Variants in KIRREL3 observed in about 807,000 individuals in gnomAD.
KIRREL3 encodes the protein kin of IRRE-like protein 3.
Under a neutral mutation model 89.7 loss-of-function variants are expected in KIRREL3, and 36 were observed. The observed-to-expected ratio is 0.40, with a 90% confidence interval of 0.31 to 0.53. The LOEUF (loss-of-function observed/expected upper bound fraction) is 0.53. Among genes scored for constraint, KIRREL3 ranks in the 20% least tolerant of loss-of-function variants. The pLI is 0.49. For synonymous variants in KIRREL3, 445 were observed against 441.4 expected, an observed-to-expected ratio of 1.01 and a Z score of -0.10; for missense variants, 864 against 1,056.6, an observed-to-expected ratio of 0.82 and a Z score of 2.53.
In KIRREL3 at chr11:126,669,717, G is replaced by A. The variant is rs988822771; in HGVS notation, c.56-106805C>T. Reference sequence around the variant, plus strand: ...TCTCCATTTACATTTTTCTCTCAAGGTTTTGCATGAAACTCCAAGGCTTTA... The same window carrying A: ...TCTCCATTTACATTTTTCTCTCAAGATTTTGCATGAAACTCCAAGGCTTTA... On this transcript the variant is annotated intron_variant, in intron 1 of 16. Coordinates refer to ENST00000525144, the MANE Select transcript of KIRREL3 (RefSeq NM_032531.4). This position sits in a 1 kb window ranked among gnomAD's most constrained non-coding sequence, Gnocchi z 5.0. 6.6e-6 allele frequency among the ~76,000 whole-genome samples: 1 copy of A among 152,058 alleles called. No individual in the cohort carries two copies. Among genetic ancestry groups the A allele is most frequent in the African/African-American group, 2.4e-5 (1 of 41,374 alleles).
intron 1 of KIRREL3, among the ~76,000 whole-genome samples, chr11:126,846,571 T>C (rs1011412927): frequency 6.6e-6 from 1 of 152,190 alleles, no homozygotes; most frequent in Non-Finnish European, 1.5e-5. Context: ...ACCTAGTACA[T>C]AATGAAAATC....
At chr11:126,960,797 C>T (rs1322210883) in intron 1 of KIRREL3, among the ~76,000 whole-genome samples, 1 of 152,074 alleles carries the variant, frequency 6.6e-6, no homozygotes, top group African/African-American at 2.4e-5. Flanking sequence ...TCTTCGCAGA[C>T]ATTGCATTTT....
intron 1 of KIRREL3, among the ~76,000 whole-genome samples, chr11:126,758,134 T>C (rs1949564097): frequency 6.6e-6 from 1 of 152,248 alleles, no homozygotes; most frequent in Non-Finnish European, 1.5e-5. Context: ...GATTTGGCTA[T>C]TAAGACTCTC....
At chr11:126,585,015 T>C (rs2134681839) in intron 1 of KIRREL3, among the ~76,000 whole-genome samples, 1 of 151,636 alleles carries the variant, frequency 6.6e-6, no homozygotes, top group East Asian at 1.9e-4. Flanking sequence ...GCCTCCCGGG[T>C]TTACGCCATT....
intron 1 of KIRREL3, among the ~76,000 whole-genome samples, chr11:126,847,916 A>G (rs1944203368): frequency 6.6e-6 from 1 of 152,208 alleles, no homozygotes; most frequent in Admixed American, 6.5e-5. Flanking sequence ...GTAACAGGAC[A>G]CAATTGGAGA....
chr11:126,648,865 A>G (rs530349429), intron 1 of KIRREL3, among the ~76,000 whole-genome samples: 1 of 152,352 alleles, frequency 6.6e-6, no homozygotes, highest in Admixed American at 6.5e-5. Context: ...GAGTGGCTAA[A>G]ATCACAGTCC....
intron 1 of KIRREL3, among the ~76,000 whole-genome samples, chr11:126,680,806 AT>A (rs746502124): frequency 6.6e-6 from 1 of 152,008 alleles, no homozygotes; most frequent in Non-Finnish European, 1.5e-5. Context: ...ATTCTAGGGG[AT>A]TTAATAAGAA....
Position 126,492,197 on chromosome 11 carries a change from G to A in KIRREL3, c.434-18731C>T, listed in dbSNP as rs571283590. Among the ~76,000 whole-genome samples the A allele has an allele frequency of 3.4e-4, 52 of 152,312 alleles. No individual in the cohort carries two copies. Among genetic ancestry groups the A allele is most frequent in the Non-Finnish European group, 6.9e-4 (47 of 68,018 alleles). On this transcript the variant is annotated intron_variant, in intron 4 of 16. Coordinates refer to ENST00000525144, the MANE Select transcript of KIRREL3 (RefSeq NM_032531.4). This position sits in a 1 kb window ranked among gnomAD's most constrained non-coding sequence, Gnocchi z 4.8. ...GACAGTCTCCTCTTCACTGAAAGGG[G>A]AAGATGGGCTCAGGCTGCAGCGTGA...
chr11:126,439,653 C>T (rs1317855577), intron 11 of KIRREL3, among the ~76,000 whole-genome samples: 1 of 151,150 alleles, frequency 6.6e-6, no homozygotes, highest in East Asian at 2.0e-4. Context: ...CCCATCTCTA[C>T]TGAAAATACA....
At chr11:126,451,341 CAT>C (rs1349501407) in intron 7 of KIRREL3, among the ~76,000 whole-genome samples, 6 of 112,848 alleles carry the variant, frequency 5.3e-5, no homozygotes, top group Admixed American at 4.8e-4. Flanking sequence ...TGAGTGTGTG[CAT>C]GTGTGTGCGT....
rs183274374 is a variant in KIRREL3, at chr11:126,641,588, G to A, written c.56-78676C>T. On this transcript the variant is annotated intron_variant, in intron 1 of 16. Transcript: ENST00000525144. The surrounding 1 kb of genome is among the most constrained non-coding windows in gnomAD (Gnocchi z 5.0). ...TGTCTCACCAATCCATTTACAGGTC[G>A]CAGACATTTACAACACCAGCCTCCT... is the stretch of plus-strand genomic sequence containing the variant. Among the ~76,000 whole-genome samples, 26 of 152,108 alleles carry A rather than the reference G, an allele frequency of 1.7e-4. No homozygotes were observed. The East Asian group carries it at 2.5e-3, about 15-fold the overall frequency.
chr11:126,849,803 A>C (rs1944281853), intron 1 of KIRREL3, among the ~76,000 whole-genome samples: 1 of 152,104 alleles, frequency 6.6e-6, no homozygotes, highest in African/African-American at 2.4e-5. Context: ...CAATGGATGC[A>C]CCTGTTGAGG....
chr11:126,532,672 G>A (rs557256422), intron 2 of KIRREL3, among the ~76,000 whole-genome samples: 1 of 117,486 alleles, frequency 8.5e-6, no homozygotes, highest in Non-Finnish European at 1.8e-5. Flanking sequence ...CACTACACCT[G>A]GCCCAGATGA....
At position 126,541,569 on chromosome 11, in the gene KIRREL3, T is replaced by C. The variant is rs1938371394; in HGVS notation, c.134-14882A>G. 6.6e-6 allele frequency among the ~76,000 whole-genome samples: 1 copy of C among 152,092 alleles called. No individual in the cohort carries two copies. Among genetic ancestry groups the C allele is most frequent in the Non-Finnish European group, 1.5e-5 (1 of 68,018 alleles). On this transcript the variant is annotated intron_variant, in intron 2 of 16. Transcript: ENST00000525144. The surrounding 1 kb of genome is among the most constrained non-coding windows in gnomAD (Gnocchi z 4.8). ...CTATAGCCTTGTCAGTCAGAGACGGTTCTAAAACTTCCATGTGCATGAGGA... is the reference window on the plus strand; with the variant it reads ...CTATAGCCTTGTCAGTCAGAGACGGCTCTAAAACTTCCATGTGCATGAGGA...
intron 1 of KIRREL3, among the ~76,000 whole-genome samples, chr11:126,770,314 C>T (rs528621640): frequency 1.3e-5 from 2 of 152,202 alleles, no homozygotes; most frequent in African/African-American, 2.4e-5. Context: ...TATAGACACC[C>T]GCAAAAGTCT....
In KIRREL3 at chr11:126,562,878, C is replaced by T. The variant is rs763637775; in HGVS notation, c.90G>A (p.Val30=). The part of the protein sequence containing the change: ...LGLQKRGCCL[V]LGYMAKDKFR... The stretch of plus-strand genomic sequence containing the variant: ...ACTTGTCCTTGGCCATGTAGCCCAG[C>T]ACCAGACAGCATCCTCTCTTCTGGA... Residue 30 remains valine, a synonymous_variant, in exon 2 of 17, where the codon GTG becomes GTA. Coordinates refer to ENST00000525144, the MANE Select transcript of KIRREL3 (RefSeq NM_032531.4). This position sits in a 1 kb window ranked among gnomAD's most constrained non-coding sequence, Gnocchi z 4.7. 6.2e-7 allele frequency: 1 copy of T among 1,613,842 alleles called. No homozygotes were observed. The highest frequency in any genetic ancestry group is 8.5e-7 in the Non-Finnish European group (1 of 1,179,800).
Position 126,682,114 on chromosome 11 carries a change from A to G in KIRREL3, c.56-119202T>C. 3.0e-6 allele frequency: 1 copy of G among 337,806 alleles called. No individual in the cohort carries two copies. The allele number at this position is 337,806 out of a possible 1,614,324, so 20.9% of individuals were successfully genotyped here. On this transcript the variant is annotated intron_variant, in intron 1 of 16. Transcript: ENST00000525144. This position sits in a 1 kb window ranked among gnomAD's most constrained non-coding sequence, Gnocchi z 4.8. ...TTCCTCCCTCCTGTGACCACCGAAAAGGTCATATTTAGGACCTGGGTGAAG... is the reference window on the plus strand; with the variant it reads ...TTCCTCCCTCCTGTGACCACCGAAAGGGTCATATTTAGGACCTGGGTGAAG...
chr11:126,771,168 C>A lies in KIRREL3; in HGVS notation c.56-208256G>T, dbSNP rs534680233. On this transcript the variant is annotated intron_variant, in intron 1 of 16. Coordinates refer to ENST00000525144, the MANE Select transcript of KIRREL3 (RefSeq NM_032531.4). This position sits in a 1 kb window ranked among gnomAD's most constrained non-coding sequence, Gnocchi z 4.4. Reference sequence around the variant, plus strand: ...ATCATTTATTAAAGAGTGTTGTATACCAAGTCTTGTGTTAGCTGCTTTTAC... The same window carrying A: ...ATCATTTATTAAAGAGTGTTGTATAACAAGTCTTGTGTTAGCTGCTTTTAC... 6.6e-6 allele frequency among the ~76,000 whole-genome samples: 1 copy of A among 152,214 alleles called. No individual in the cohort carries two copies. Among genetic ancestry groups the A allele is most frequent in the East Asian group, 1.9e-4 (1 of 5,182 alleles).
At chr11:126,781,206 G>A (rs1950315961) in intron 1 of KIRREL3, among the ~76,000 whole-genome samples, 1 of 152,132 alleles carries the variant, frequency 6.6e-6, no homozygotes, top group Non-Finnish European at 1.5e-5. Flanking sequence ...TGTGATGTTG[G>A]ACACATAATT....
Sources: allele counts gnomAD v4.1 joint callset (sites outside exome capture counted in the v4.1 genomes callset), GRCh38; gene constraint gnomAD v4.1.1; non-coding constraint Gnocchi (gnomAD v3.1); transcripts MANE v1.5; gene names NCBI Gene and HGNC (gene_info 2026-07-23, HGNC 2026-07-21).